PPP1R3B: variants seen among roughly 807,000 people sequenced by gnomAD.
PPP1R3B encodes the protein protein phosphatase 1 regulatory subunit 3B, also known as PP1 subunit R4.
In PPP1R3B, 8 loss-of-function variants were observed where a neutral mutation model predicts 14.6. That is an observed-to-expected ratio of 0.55 (90% CI 0.32 to 0.99). The LOEUF is 0.99. Ranked by LOEUF, PPP1R3B falls within the 50% of genes least tolerant of loss-of-function variation. The pLI is 0.04. For synonymous variants in PPP1R3B, 169 were observed against 142.0 expected (o/e 1.19, Z -1.35); for missense variants, 452 against 360.1 (o/e 1.26, Z -2.07).
At chr8:9,146,719 T>C (rs1162381037) in intron 1 of PPP1R3B, among the ~76,000 whole-genome samples, 2 of 152,126 alleles carry the variant, frequency 1.3e-5, no homozygotes, top group Non-Finnish European at 2.9e-5. Context: ...AAAATCAATC[T>C]AGTGAAAATT....
chr8:9,145,100 A>G (rs1425852204), intron 1 of PPP1R3B, among the ~76,000 whole-genome samples: 1 of 151,846 alleles, frequency 6.6e-6, no homozygotes, highest in East Asian at 1.9e-4. Flanking sequence ...AAAAGATTCA[A>G]ATGAAATGAA....
At chr8:9,149,734 A>G (rs1396379773) in intron 1 of PPP1R3B, among the ~76,000 whole-genome samples, 2 of 152,232 alleles carry the variant, frequency 1.3e-5, no homozygotes, top group Non-Finnish European at 2.9e-5. Flanking sequence ...TACTCAGACC[A>G]TGGGGGCCTA....
At chr8:9,150,243 G>C (rs1347974348) in intron 1 of PPP1R3B, among the ~76,000 whole-genome samples, 4 of 152,086 alleles carry the variant, frequency 2.6e-5, no homozygotes, top group Admixed American at 1.3e-4. Context: ...TCAGACCACA[G>C]GTTCCAACAC....
rs1800908687 is a variant in PPP1R3B, at chr8:9,136,960, C to T, written c.*3834G>A. ...TTAATGTCCATGACTACAACTAATGCCTTTTTTCAAAAAGAAAATGGTTTG... is the reference window on the plus strand; with the variant it reads ...TTAATGTCCATGACTACAACTAATGTCTTTTTTCAAAAAGAAAATGGTTTG... On this transcript the variant is annotated 3_prime_UTR_variant, in exon 2 of 2. Coordinates refer to ENST00000310455, the MANE Select transcript of PPP1R3B (RefSeq NM_024607.4). The T allele has an allele frequency of 6.6e-6, 1 of 152,142 alleles. No homozygotes were observed. Among genetic ancestry groups the T allele is most frequent in the South Asian group, 2.1e-4 (1 of 4,826 alleles). 9.4% of individuals were successfully genotyped at this position (152,142 alleles called of 1,614,324 possible). A position where few individuals can be genotyped will look rare whatever the true frequency, so the allele number is the denominator to read the frequency against.
chr8:9,140,148 C>T lies in PPP1R3B; in HGVS notation c.*646G>A, dbSNP rs1801024993. 6.4e-6 allele frequency: 1 copy of T among 155,838 alleles called. No individual in the cohort carries two copies. Among genetic ancestry groups the T allele is most frequent in the African/African-American group, 2.4e-5 (1 of 41,574 alleles). The allele number at this position is 155,838 out of a possible 1,614,324, so 9.7% of individuals were successfully genotyped here. ...CGGGAGGAGGAAATGCCTGTCTCAA[C>T]CACTAACTAATTTGCCTTTATTATC... is the stretch of plus-strand genomic sequence containing the variant. On this transcript the variant is annotated 3_prime_UTR_variant, in exon 2 of 2. Coordinates refer to ENST00000310455, the MANE Select transcript of PPP1R3B (RefSeq NM_024607.4).
At chr8:9,142,817 C>T (rs894413926) in intron 1 of PPP1R3B, among the ~76,000 whole-genome samples, 1 of 152,146 alleles carries the variant, frequency 6.6e-6, no homozygotes, top group African/African-American at 2.4e-5. Context: ...GGTTCATCCC[C>T]GTTGGCACAA....
chr8:9,151,211 T>A (rs1445193282), upstream of PPP1R3B: 1 of 152,440 alleles, frequency 6.6e-6, no homozygotes, highest in Non-Finnish European at 1.5e-5. Context: ...ACCTAGAGTG[T>A]TCCAGCCCCG....
At chr8:9,150,055 T>A (rs75541918) in intron 1 of PPP1R3B, among the ~76,000 whole-genome samples, 2,096 of 152,354 alleles carry the variant, frequency 0.014, 23 homozygotes, top group Non-Finnish European at 0.022. Context: ...CTAACTTTTT[T>A]TCCTAAATAC....
At position 9,141,317 on chromosome 8, in the gene PPP1R3B, A is replaced by G; in HGVS notation, c.335T>C (p.Leu112Pro). 6 of 1,614,216 alleles carry G rather than the reference A, an allele frequency of 3.7e-6. No individual in the cohort carries two copies. Among genetic ancestry groups the G allele is most frequent in the Non-Finnish European group, 5.1e-6 (6 of 1,180,052 alleles). ...ATCTGCAGAGGGCTGGGAAAAATCC[A>G]GAACAAAGCTCTCGCTCTCTGCTGT... is the stretch of plus-strand genomic sequence containing the variant. ...LTTAESESFV[L>P]DFSQPSADYL... Residue 112 changes from leucine (L) to proline (P), a missense_variant, in exon 2 of 2, where the codon CTG (leucine) becomes CCG (proline). Transcript: ENST00000310455.
intron 1 of PPP1R3B, 70 bp downstream of exon 1, chr8:9,150,493 C>T (rs1286887351): frequency 6.6e-6 from 1 of 152,664 alleles, no homozygotes; most frequent in East Asian, 1.9e-4. Flanking sequence ...TCCCCTCCGT[C>T]CAGTTTGACC....
chr8:9,137,854 C>T lies in PPP1R3B; in HGVS notation c.*2940G>A, dbSNP rs1040776516. 8 of 152,266 alleles carry T rather than the reference C, an allele frequency of 5.3e-5. No individual in the cohort carries two copies. The highest frequency in any genetic ancestry group is 1.9e-4 in the African/African-American group (8 of 41,542). 9.4% of individuals were successfully genotyped at this position (152,266 alleles called of 1,614,324 possible). ...GGTGTGCTGGCTGGGGGCTTGCATCCAGCACCCCCAGCAAAAAAAGCCAGG... is the reference window on the plus strand; with the variant it reads ...GGTGTGCTGGCTGGGGGCTTGCATCTAGCACCCCCAGCAAAAAAAGCCAGG... On this transcript the variant is annotated 3_prime_UTR_variant, in exon 2 of 2. Transcript: ENST00000310455.
intron 1 of PPP1R3B, among the ~76,000 whole-genome samples, chr8:9,143,395 A>G (rs1801147767): frequency 6.6e-6 from 1 of 152,192 alleles, no homozygotes; most frequent in Non-Finnish European, 1.5e-5. Context: ...AAATGTCAGG[A>G]TACCATTCTT....
At chr8:9,148,393 A>C (rs1352097684) in intron 1 of PPP1R3B, among the ~76,000 whole-genome samples, 1 of 152,140 alleles carries the variant, frequency 6.6e-6, no homozygotes, top group East Asian at 1.9e-4. Flanking sequence ...AAGGGGGAAA[A>C]AAAAAGAACC....
At chr8:9,143,845 C>G (rs1468769316) in intron 1 of PPP1R3B, among the ~76,000 whole-genome samples, 1 of 151,938 alleles carries the variant, frequency 6.6e-6, no homozygotes, top group East Asian at 1.9e-4. Flanking sequence ...GAGGATAAAT[C>G]TGAGTTAACA....
intron 1 of PPP1R3B, among the ~76,000 whole-genome samples, chr8:9,148,987 A>C (rs1162140056): frequency 6.6e-6 from 1 of 150,620 alleles, no homozygotes; most frequent in Non-Finnish European, 1.5e-5. Flanking sequence ...GGAGATCGAG[A>C]CCATCCTGGC....
At position 9,137,548 on chromosome 8, in the gene PPP1R3B, A is replaced by G. The variant is rs1207419903; in HGVS notation, c.*3246T>C. On this transcript the variant is annotated 3_prime_UTR_variant, in exon 2 of 2. Transcript: ENST00000310455. ...ATCTACTGATGATGAGCTATCAAAC[A>G]AGGAGAGAATACATCAGCGCAGCTC... 1 of 152,282 alleles carries G rather than the reference A, an allele frequency of 6.6e-6. No homozygotes were observed. Among genetic ancestry groups the G allele is most frequent in the Non-Finnish European group, 1.5e-5 (1 of 68,072 alleles). The allele number at this position is 152,282 out of a possible 1,614,324, so 9.4% of individuals were successfully genotyped here.
chr8:9,144,453 C>G (rs1801174075), intron 1 of PPP1R3B, among the ~76,000 whole-genome samples: 1 of 152,138 alleles, frequency 6.6e-6, no homozygotes, highest in South Asian at 2.1e-4. Context: ...CTCAGCCTCC[C>G]AAAATGCTGG....
chr8:9,144,721 T>G (rs573743817), intron 1 of PPP1R3B, among the ~76,000 whole-genome samples: 1 of 152,246 alleles, frequency 6.6e-6, no homozygotes, highest in South Asian at 2.1e-4. Flanking sequence ...CACATCCATG[T>G]GATGTACTTT....
At chr8:9,145,866 A>G (rs1162568157) in intron 1 of PPP1R3B, among the ~76,000 whole-genome samples, 1 of 142,702 alleles carries the variant, frequency 7.0e-6, no homozygotes, top group African/African-American at 2.4e-5. Context: ...TGCCTCACTA[A>G]AGCTGAGCAC....
Sources: gnomAD v4.1 joint callset for allele counts (sites outside exome capture counted in the v4.1 genomes callset) on GRCh38, gnomAD v4.1.1 for gene constraint, MANE v1.5 for transcripts, NCBI Gene and HGNC (gene_info 2026-07-23, HGNC 2026-07-21) for gene names.